The following MFSD2A variants were observed in gnomAD, a reference collection of about 807,000 sequenced individuals.
MFSD2A encodes sodium-dependent lysophosphatidylcholine symporter 1.
In MFSD2A, 27 loss-of-function variants were observed where a neutral mutation model predicts 64.7. The ratio of observed to expected loss-of-function variants is 0.42; its 90% CI spans 0.31 to 0.58. The LOEUF is 0.58. Ranked by LOEUF, MFSD2A falls within the 20% of genes least tolerant of loss-of-function variation. The pLI, the probability that MFSD2A is intolerant of heterozygous loss-of-function variation, is 0.18. For missense variants in MFSD2A, 474 were observed against 679.5 expected (o/e 0.70, Z 3.36); for synonymous variants, 258 against 273.4 (o/e 0.94, Z 0.55).
Position 39,958,632 on chromosome 1 carries a change from C to T in MFSD2A, c.229-69C>T. ...TGAGATAGGGAGGGAGCCTCTGCTT[C>T]TGCCTACCAGTGAGAGTTGAGGCGA... is the stretch of plus-strand genomic sequence containing the variant. On this transcript the variant is annotated intron_variant, in intron 2 of 13. Transcript: ENST00000372811. This position sits in a 1 kb window ranked among gnomAD's most constrained non-coding sequence, Gnocchi z 4.7. 1 of 1,613,966 alleles carries T rather than the reference C, an allele frequency of 6.2e-7. No individual in the cohort carries two copies. The highest frequency in any genetic ancestry group is 8.5e-7 in the Non-Finnish European group (1 of 1,179,896).
chr1:39,962,915 G>T (rs3131699), intron 3 of MFSD2A: 446,298 of 1,555,168 alleles, frequency 0.29, 60,819 homozygotes, highest in East Asian at 0.49. Context: ...AGCGCACCAG[G>T]TTCAAGGCGT....
chr1:39,961,994 C>G (rs908753854), intron 3 of MFSD2A, among the ~76,000 whole-genome samples: 1 of 152,254 alleles, frequency 6.6e-6, no homozygotes, highest in African/African-American at 2.4e-5. Flanking sequence ...GCCAACTCTC[C>G]TGCTGAGCTT....
At position 39,969,506 on chromosome 1, in the gene MFSD2A, G is replaced by A. The variant is rs745701001; in HGVS notation, c.1531G>A (p.Asp511Asn). Residue 511 changes from aspartate to asparagine, a missense_variant and splice_region_variant, in exon 14 of 14, where the codon GAC becomes AAC. By Grantham distance (23) the Asp-to-Asn change is conservative. Coordinates refer to ENST00000372811, the MANE Select transcript of MFSD2A (RefSeq NM_032793.5). ...ACCCATCTCCTCTCTCTCTTGCAGGGACGAGGCCAGCAGCTCTGGCTGCTC... is the reference window on the plus strand; with the variant it reads ...ACCCATCTCCTCTCTCTCTTGCAGGAACGAGGCCAGCAGCTCTGGCTGCTC... ...QNKKALQALR[D>N]EASSSGCSET... The A allele has an allele frequency of 6.9e-6, 11 of 1,598,420 alleles. 1 individual carries two copies. In the South Asian group the frequency reaches 1.1e-4, roughly 16 times the overall value.
intron 3 of MFSD2A, chr1:39,962,749 G>A (rs1334913118): frequency 3.0e-5 from 27 of 894,340 alleles, no homozygotes; most frequent in African/African-American, 4.9e-5. Context: ...AAGCTGGGCC[G>A]CTTGGTGAAG....
Position 39,965,400 on chromosome 1 carries a change from A to G in MFSD2A, c.477+66A>G. ...GAGGAGGGCGGTCCTTGGGGCCCCC[A>G]GGGTTGGTACTGGAAGCTACATCAG... On this transcript the variant is annotated intron_variant, in intron 4 of 13. Transcript: ENST00000372811. This position sits in a 1 kb window ranked among gnomAD's most constrained non-coding sequence, Gnocchi z 5.5. 2 of 1,613,458 alleles carry G rather than the reference A, an allele frequency of 1.2e-6. No homozygotes were observed. The highest frequency in any genetic ancestry group is 1.7e-6 in the Non-Finnish European group (2 of 1,179,630).
In MFSD2A at chr1:39,955,458, G is replaced by C. The variant is rs1235664604; in HGVS notation, c.93+73G>C. On this transcript the variant is annotated intron_variant, in intron 1 of 13. Coordinates refer to ENST00000372811, the MANE Select transcript of MFSD2A (RefSeq NM_032793.5). The surrounding 1 kb of genome is among the most constrained non-coding windows in gnomAD (Gnocchi z 5.9). ...GAAATGGGGGATCAGGGGCGTCCCGGGGTCGGCCTGGTCAGGGGACCATTG... is the reference window on the plus strand; with the variant it reads ...GAAATGGGGGATCAGGGGCGTCCCGCGGTCGGCCTGGTCAGGGGACCATTG... The C allele has an allele frequency of 6.9e-7, 1 of 1,444,342 alleles. No individual in the cohort carries two copies. Among genetic ancestry groups the C allele is most frequent in the African/African-American group, 1.4e-5 (1 of 70,522 alleles). 89.5% of individuals were successfully genotyped at this position (1,444,342 alleles called of 1,614,324 possible). A position where few individuals can be genotyped will look rare whatever the true frequency, so the allele number is the denominator to read the frequency against.
rs1645027674 is a variant in MFSD2A, at chr1:39,960,978, A to G, written c.353+2153A>G. Among the ~76,000 whole-genome samples, 1 of 152,058 alleles carries G rather than the reference A, an allele frequency of 6.6e-6. No individual in the cohort carries two copies. The highest frequency in any genetic ancestry group is 1.5e-5 in the Non-Finnish European group (1 of 67,988). ...GGTGTGCATATGACCTCCCTGTCCA[A>G]ACTTTTTTTCCTTTTTGTGGTGAAT... On this transcript the variant is annotated intron_variant, in intron 3 of 13. Coordinates refer to ENST00000372811, the MANE Select transcript of MFSD2A (RefSeq NM_032793.5). The surrounding 1 kb of genome is among the most constrained non-coding windows in gnomAD (Gnocchi z 4.8).
In MFSD2A at chr1:39,955,198, TA is replaced by T; in HGVS notation, c.-93del. The T allele has an allele frequency of 9.1e-7, 1 of 1,104,688 alleles. No individual in the cohort carries two copies. Among genetic ancestry groups the T allele is most frequent in the Non-Finnish European group, 1.2e-6 (1 of 852,002 alleles). The allele number at this position is 1,104,688 out of a possible 1,614,324, so 68.4% of individuals were successfully genotyped here. On this transcript the variant is annotated 5_prime_UTR_variant, in exon 1 of 14. Transcript: ENST00000372811. This position sits in a 1 kb window ranked among gnomAD's most constrained non-coding sequence, Gnocchi z 5.9. ...TTGGCTAGCGCGCGGCGGCCGTGGC[TA>T]AGGCTGCTACGAAGCGAGCTTGGGA...
In MFSD2A at chr1:39,955,576, C is replaced by G; in HGVS notation, c.93+191C>G. On this transcript the variant is annotated intron_variant, in intron 1 of 13. Coordinates refer to ENST00000372811, the MANE Select transcript of MFSD2A (RefSeq NM_032793.5). This position sits in a 1 kb window ranked among gnomAD's most constrained non-coding sequence, Gnocchi z 5.9. ...GGAGAAAAGCTGTGGGCGCCCTCGCCCCCCTTTGCTCACCCGCACTCCACG... is the reference window on the plus strand; with the variant it reads ...GGAGAAAAGCTGTGGGCGCCCTCGCGCCCCTTTGCTCACCCGCACTCCACG... The G allele has an allele frequency of 2.8e-6, 2 of 711,838 alleles. No homozygotes were observed. The highest frequency in any genetic ancestry group is 5.0e-6 in the Non-Finnish European group (2 of 398,300). 44.1% of individuals were successfully genotyped at this position (711,838 alleles called of 1,614,324 possible).
rs1247837308 is a variant in MFSD2A at position 39,968,015 on chromosome 1, C to G, written c.1208+99C>G. On this transcript the variant is annotated intron_variant, in intron 11 of 13. Coordinates refer to ENST00000372811, the MANE Select transcript of MFSD2A (RefSeq NM_032793.5). This position sits in a 1 kb window ranked among gnomAD's most constrained non-coding sequence, Gnocchi z 4.4. ...GTTCTATGCAGTGTTCTCCCACAGG[C>G]CATTCTGTGGGTCCAGGTTAGGAGT... 5.3e-6 allele frequency: 4 copies of G among 747,738 alleles called. No homozygotes were observed. Among genetic ancestry groups the G allele is most frequent in the Non-Finnish European group, 8.7e-6 (4 of 460,946 alleles). 46.3% of individuals were successfully genotyped at this position (747,738 alleles called of 1,614,324 possible).
chr1:39,962,184 T>C (rs1645058193), intron 3 of MFSD2A, among the ~76,000 whole-genome samples: 1 of 152,226 alleles, frequency 6.6e-6, no homozygotes, highest in African/African-American at 2.4e-5. Flanking sequence ...TTCTCTTTAC[T>C]CGAGCCCTCC....
At chr1:39,962,842 G>A (rs190832434) in intron 3 of MFSD2A, 9 of 1,520,244 alleles carry the variant, frequency 5.9e-6, no homozygotes, top group Admixed American at 1.8e-5. Context: ...TTTTTCCTGG[G>A]GGCCTCTCTC....
chr1:39,968,076 G>A lies in MFSD2A; in HGVS notation c.1208+160G>A. The A allele has an allele frequency of 1.6e-6, 1 of 640,962 alleles. No individual in the cohort carries two copies. 39.7% of individuals were successfully genotyped at this position (640,962 alleles called of 1,614,324 possible). On this transcript the variant is annotated intron_variant, in intron 11 of 13. Coordinates refer to ENST00000372811, the MANE Select transcript of MFSD2A (RefSeq NM_032793.5). The surrounding 1 kb of genome is among the most constrained non-coding windows in gnomAD (Gnocchi z 4.4). ...TGTCCTGTACAGTTGTACAGGTAGT[G>A]AGCTTTGCAAGAACACCTAGTCAGA...
intron 3 of MFSD2A, among the ~76,000 whole-genome samples, chr1:39,959,240 ATCTT>A (rs986839691): frequency 8.3e-5 from 12 of 144,684 alleles, no homozygotes; most frequent in African/African-American, 2.1e-4. Context: ...CTTTCTTTCT[ATCTT>A]TCTTTCTTTT....
rs978926715 is a variant in MFSD2A at position 39,964,347 on chromosome 1, TATGAGGAA to T, written c.354-854_354-847del. The T allele has an allele frequency of 6.6e-6, 1 of 152,206 alleles. No homozygotes were observed. The highest frequency in any genetic ancestry group is 1.5e-5 in the Non-Finnish European group (1 of 68,036). 9.4% of individuals were successfully genotyped at this position (152,206 alleles called of 1,614,324 possible). On this transcript the variant is annotated intron_variant, in intron 3 of 13. Transcript: ENST00000372811. The surrounding 1 kb of genome is among the most constrained non-coding windows in gnomAD (Gnocchi z 4.1). ...TAGCGCCCAGCCCATAGCTGGAACTTATGAGGAAATGAGGAAACGAGCTTCAGATAATT... is the reference window on the plus strand; with the variant it reads ...TAGCGCCCAGCCCATAGCTGGAACTTATGAGGAAACGAGCTTCAGATAATT...
Position 39,967,691 on chromosome 1 carries a change from G to T in MFSD2A, c.1075G>T (p.Ala359Ser). The T allele has an allele frequency of 6.2e-7, 1 of 1,614,170 alleles. No individual in the cohort carries two copies. Among genetic ancestry groups the T allele is most frequent in the Non-Finnish European group, 8.5e-7 (1 of 1,180,026 alleles). Residue 359 changes from alanine (A) to serine (S), a missense_variant, in exon 10 of 14, where the codon GCT becomes TCT. Coordinates refer to ENST00000372811, the MANE Select transcript of MFSD2A (RefSeq NM_032793.5). The part of the protein sequence containing the change: ...WFLTRFGKKT[A>S]VYVGISSAVP... The stretch of plus-strand genomic sequence containing the variant: ...CTTGACCCGGTTTGGCAAGAAGACA[G>T]CTGTATATGTTGGGATCTCAGTGAG...
intron 9 of MFSD2A, 126 bp downstream of exon 9, chr1:39,967,295 T>C: frequency 2.4e-6 from 2 of 847,398 alleles, no homozygotes; most frequent in Non-Finnish European, 3.8e-6. Context: ...GAGGGAGGCT[T>C]CTCAGGGTAT....
rs1325772643 is a variant in MFSD2A at position 39,965,617 on chromosome 1, G to A, written c.556+68G>A. 2.6e-6 allele frequency: 4 copies of A among 1,515,656 alleles called. No homozygotes were observed. The highest frequency in any genetic ancestry group is 2.3e-5 in the East Asian group (1 of 44,402). The allele number at this position is 1,515,656 out of a possible 1,614,324, so 93.9% of individuals were successfully genotyped here. A position where few individuals can be genotyped will look rare whatever the true frequency, so the allele number is the denominator to read the frequency against. On this transcript the variant is annotated intron_variant, in intron 5 of 13. Coordinates refer to ENST00000372811, the MANE Select transcript of MFSD2A (RefSeq NM_032793.5). The surrounding 1 kb of genome is among the most constrained non-coding windows in gnomAD (Gnocchi z 5.5). ...TCCAGCCATACTTCTTCCCTTGCGG[G>A]TCCAGCTCTTTGCTCTGCTCTAGAG...
At chr1:39,967,215 A>T in intron 9 of MFSD2A, 46 bp downstream of exon 9, 2 of 1,535,878 alleles carry the variant, frequency 1.3e-6, no homozygotes, top group Non-Finnish European at 1.8e-6. Flanking sequence ...CTGAGGTGAC[A>T]TAGGCTGTGG....
Sources: allele counts gnomAD v4.1 joint callset (sites outside exome capture counted in the v4.1 genomes callset), GRCh38; gene constraint gnomAD v4.1.1; non-coding constraint Gnocchi (gnomAD v3.1); transcripts MANE v1.5; gene names NCBI Gene and HGNC (gene_info 2026-07-23, HGNC 2026-07-21).